Variants in CAMK1G observed in about 807,000 individuals in gnomAD.
CAMK1G encodes the protein calcium/calmodulin-dependent protein kinase type 1G.
CAMK1G carries 27 observed loss-of-function variants against 54.8 expected under a neutral mutation model. That is an observed-to-expected ratio of 0.49 (90% CI 0.36 to 0.68). CAMK1G has a LOEUF of 0.68. Ranked by LOEUF, CAMK1G falls within the 30% of genes least tolerant of loss-of-function variation. CAMK1G has a pLI of 0.00. For missense variants in CAMK1G, 512 were observed against 591.0 expected, an observed-to-expected ratio of 0.87 and a Z score of 1.39; for synonymous variants, 238 against 224.9, an observed-to-expected ratio of 1.06 and a Z score of -0.52.
At position 209,603,194 on chromosome 1, in the gene CAMK1G, A is replaced by G; in HGVS notation, c.222-20A>G. 1 of 1,613,794 alleles carries G rather than the reference A, an allele frequency of 6.2e-7. No homozygotes were observed. Among genetic ancestry groups the G allele is most frequent in the Non-Finnish European group, 8.5e-7 (1 of 1,179,792 alleles). On this transcript the variant is annotated intron_variant, in intron 3 of 12. Transcript: ENST00000361322. Reference sequence around the variant, plus strand: ...CAACCTGAACCACATACCTTTCATCATGCACTTTATTTTTCCCAGGATCAA... The same window carrying G: ...CAACCTGAACCACATACCTTTCATCGTGCACTTTATTTTTCCCAGGATCAA...
At position 209,599,868 on chromosome 1, in the gene CAMK1G, C is replaced by T. The variant is rs568712599; in HGVS notation, c.93-115C>T. On this transcript the variant is annotated intron_variant, in intron 2 of 12. Transcript: ENST00000361322. The stretch of plus-strand genomic sequence containing the variant: ...CTTCCAGATTTAAATTCAGTATATG[C>T]CTTTGTGGTCAGAGGACTATATAGA... The T allele has an allele frequency of 1.3e-4, 159 of 1,230,744 alleles. 1 individual carries two copies. In the South Asian group the frequency reaches 2.2e-3, roughly 17 times the overall value. 76.2% of individuals were successfully genotyped at this position (1,230,744 alleles called of 1,614,324 possible). A position where few individuals can be genotyped will look rare whatever the true frequency, so the allele number is the denominator to read the frequency against.
intron 4 of CAMK1G, among the ~76,000 whole-genome samples, chr1:209,604,073 C>A (rs891159311): frequency 7.2e-5 from 11 of 152,176 alleles, no homozygotes; most frequent in African/African-American, 2.7e-4. Context: ...CAGACATACA[C>A]GCACTCACAC....
chr1:209,584,683 T>C (rs1665049685), intron 1 of CAMK1G, among the ~76,000 whole-genome samples: 1 of 152,168 alleles, frequency 6.6e-6, no homozygotes, highest in African/African-American at 2.4e-5. Flanking sequence ...AGCCTCTTGC[T>C]CTGGAGTCAG....
Position 209,612,866 on chromosome 1 carries a change from C to G in CAMK1G, c.1422C>G (p.Leu474=). 6.2e-7 allele frequency: 1 copy of G among 1,609,130 alleles called. No homozygotes were observed. The highest frequency in any genetic ancestry group is 1.1e-5 in the South Asian group (1 of 90,958). The change falls in exon 12 of 13, where the codon CTC becomes CTG. Residue 474 remains leucine (L), a synonymous_variant. Transcript: ENST00000361322. ...HCRAGQTGVC[L]IM ...GGGCAGGGCAGACTGGAGTCTGTCT[C>G]ATTATGTGATTCCTGGAGCCTGTGC...
rs777753676 is a variant in CAMK1G at position 209,613,131 on chromosome 1, C to T, written c.*129C>T. Reference sequence around the variant, plus strand: ...CAAGTGGAGCAGGGCTTAGCAGGAGCAGTTTCTGGCCAGAAGCACCAGCCT... The same window carrying T: ...CAAGTGGAGCAGGGCTTAGCAGGAGTAGTTTCTGGCCAGAAGCACCAGCCT... On this transcript the variant is annotated 3_prime_UTR_variant, in exon 13 of 13. Coordinates refer to ENST00000361322, the MANE Select transcript of CAMK1G (RefSeq NM_020439.3). The T allele has an allele frequency of 3.4e-5, 13 of 379,158 alleles. No homozygotes were observed. Among genetic ancestry groups the T allele is most frequent in the Non-Finnish European group, 6.0e-5 (12 of 201,542 alleles). 23.5% of individuals were successfully genotyped at this position (379,158 alleles called of 1,614,324 possible).
chr1:209,595,344 C>T (rs532483304), intron 2 of CAMK1G, among the ~76,000 whole-genome samples: 2 of 152,148 alleles, frequency 1.3e-5, no homozygotes, highest in Non-Finnish European at 2.9e-5. Flanking sequence ...ATTGCTTGAA[C>T]CCAGGAGGCG....
chr1:209,609,193 C>T, intron 8 of CAMK1G, 101 bp downstream of exon 8: 4 of 1,412,324 alleles, frequency 2.8e-6, no homozygotes, highest in Non-Finnish European at 3.9e-6. Context: ...CTTCAAAGTC[C>T]CTGGGGATCT....
intron 2 of CAMK1G, 91 bp downstream of exon 2, chr1:209,595,166 T>C (rs1665349314): frequency 2.3e-6 from 2 of 878,142 alleles, no homozygotes; most frequent in South Asian, 2.9e-5. Flanking sequence ...ATTGATGAAC[T>C]GGACTGAGGC....
chr1:209,599,148 AACTC>A (rs1665458591), intron 2 of CAMK1G, among the ~76,000 whole-genome samples: 1 of 152,184 alleles, frequency 6.6e-6, no homozygotes, highest in African/African-American at 2.4e-5. Flanking sequence ...ATCCCGTGAG[AACTC>A]ACTCACTATC....
chr1:209,586,418 G>A (rs1030272340), intron 1 of CAMK1G, among the ~76,000 whole-genome samples: 1 of 152,084 alleles, frequency 6.6e-6, no homozygotes, highest in African/African-American at 2.4e-5. Context: ...TTGCATTCAG[G>A]CTATGATGTA....
intron 7 of CAMK1G, 108 bp downstream of exon 7, chr1:209,608,041 A>T: frequency 1.3e-6 from 1 of 757,542 alleles, no homozygotes. Context: ...GTGCATGTGC[A>T]CAAACAGACA....
chr1:209,601,776 T>C (rs772308162), intron 3 of CAMK1G, among the ~76,000 whole-genome samples: 3 of 152,248 alleles, frequency 2.0e-5, no homozygotes, highest in Non-Finnish European at 4.4e-5. Context: ...TACTATTGAT[T>C]ATGTGTTTAC....
At chr1:209,611,673 C>G (rs1167739075) in intron 10 of CAMK1G, 119 bp from the exon 11 acceptor site, 6 of 1,466,158 alleles carry the variant, frequency 4.1e-6, no homozygotes, top group Non-Finnish European at 5.6e-6. Flanking sequence ...TCCGTGTACC[C>G]TCTCTGAAAT....
intron 1 of CAMK1G, among the ~76,000 whole-genome samples, chr1:209,588,692 G>A (rs912039416): frequency 3.9e-5 from 6 of 152,194 alleles, no homozygotes; most frequent in Non-Finnish European, 8.8e-5. Flanking sequence ...GGAGGCCACT[G>A]CAGACAAAGC....
Position 209,605,519 on chromosome 1 carries a change from T to G in CAMK1G, c.297-17T>G, listed in dbSNP as rs1226644685. On this transcript the variant is annotated splice_polypyrimidine_tract_variant and intron_variant, in intron 4 of 12. Coordinates refer to ENST00000361322, the MANE Select transcript of CAMK1G (RefSeq NM_020439.3). ...TGAAATGAGAACTGAATTCCTGTCT[T>G]GATCCTATGCCCACAGTGTTTCTGG... The G allele has an allele frequency of 6.2e-7, 1 of 1,612,702 alleles. No individual in the cohort carries two copies.
At chr1:209,609,737 T>C (rs1459681832) in intron 8 of CAMK1G, 114 bp from the exon 9 acceptor site, 5 of 1,024,406 alleles carry the variant, frequency 4.9e-6, no homozygotes, top group Non-Finnish European at 7.6e-6. Flanking sequence ...TAAAATTGCC[T>C]CTTTGGAAGA....
chr1:209,592,154 C>T (rs1665270486), intron 1 of CAMK1G, among the ~76,000 whole-genome samples: 1 of 151,866 alleles, frequency 6.6e-6, no homozygotes, highest in African/African-American at 2.4e-5. Context: ...CGAGACCAGC[C>T]TGGGCAACAG....
intron 3 of CAMK1G, among the ~76,000 whole-genome samples, chr1:209,600,694 A>G (rs996266345): frequency 2.0e-5 from 3 of 152,260 alleles, no homozygotes; most frequent in Non-Finnish European, 2.9e-5. Context: ...AGAAAATCCA[A>G]CAAAATCGGA....
In CAMK1G at chr1:209,595,417, T is replaced by TCAAAA. The variant is rs528246056; in HGVS notation, c.92+358_92+362dup. On this transcript the variant is annotated intron_variant, in intron 2 of 12. Coordinates refer to ENST00000361322, the MANE Select transcript of CAMK1G (RefSeq NM_020439.3). Reference sequence around the variant, plus strand: ...AGCCTGGTGACAGAGCGAGACTGTCTCAAAACAAAACAAAACAAAATTGGA... The same window carrying TCAAAA: ...AGCCTGGTGACAGAGCGAGACTGTCTCAAAACAAAACAAAACAAAACAAAATTGGA... Among the ~76,000 whole-genome samples the TCAAAA allele has an allele frequency of 6.4e-3, 972 of 152,082 alleles. 6 individuals are homozygous for TCAAAA. Among genetic ancestry groups the TCAAAA allele is most frequent in the South Asian group, 0.025 (120 of 4,794 alleles).
Sources: gnomAD v4.1 joint callset for allele counts (sites outside exome capture counted in the v4.1 genomes callset) on GRCh38, gnomAD v4.1.1 for gene constraint, MANE v1.5 for transcripts, NCBI Gene and HGNC (gene_info 2026-07-23, HGNC 2026-07-21) for gene names.